KCNG2: variants seen among roughly 807,000 people sequenced by gnomAD.
The protein encoded by KCNG2 is voltage-gated potassium channel regulatory subunit KCNG2.
In KCNG2, 7 loss-of-function variants were observed where a neutral mutation model predicts 12.3. The ratio of observed to expected loss-of-function variants is 0.57; its 90% CI spans 0.32 to 1.07. The LOEUF is 1.07. KCNG2 is among the 50% of genes least tolerant of loss of function. The pLI, the probability that KCNG2 is intolerant of heterozygous loss-of-function variation, is 0.04. For missense variants in KCNG2, 703 were observed against 726.0 expected, an observed-to-expected ratio of 0.97 and a Z score of 0.36; for synonymous variants, 414 against 351.4, an observed-to-expected ratio of 1.18 and a Z score of -1.99.
At chr18:79,873,069 C>T (rs1979914044) in intron 3 of KCNG2, among the ~76,000 whole-genome samples, 1 of 152,142 alleles carries the variant, frequency 6.6e-6, no homozygotes, top group African/African-American at 2.4e-5. Context: ...GGTAGCTCTG[C>T]CGGTTGGGCC....
intron 3 of KCNG2, among the ~76,000 whole-genome samples, chr18:79,881,653 C>T (rs1040108599): frequency 3.9e-5 from 6 of 152,220 alleles, no homozygotes; most frequent in Admixed American, 1.3e-4. Context: ...GCTGAAGACT[C>T]GGTGTGACTA....
chr18:79,848,895 G>T (rs532235350), intron 1 of KCNG2, among the ~76,000 whole-genome samples: 2 of 152,296 alleles, frequency 1.3e-5, no homozygotes, highest in African/African-American at 2.4e-5. Context: ...GCCTCGGTCC[G>T]CATGGGGCCC....
At chr18:79,844,502 C>G (rs1212125809) in intron 1 of KCNG2, among the ~76,000 whole-genome samples, 4 of 152,148 alleles carry the variant, frequency 2.6e-5, no homozygotes, top group African/African-American at 9.7e-5. Flanking sequence ...GCTAATAATA[C>G]TATAGTGCAT....
chr18:79,836,320 C>T (rs1345610637), intron 1 of KCNG2, among the ~76,000 whole-genome samples: 1 of 152,138 alleles, frequency 6.6e-6, no homozygotes, highest in Non-Finnish European at 1.5e-5. Context: ...TCTAAGAGGA[C>T]ATAGCAATTC....
At chr18:79,823,665 T>G (rs1771981515) in intron 1 of KCNG2, among the ~76,000 whole-genome samples, 1 of 152,226 alleles carries the variant, frequency 6.6e-6, no homozygotes, top group Non-Finnish European at 1.5e-5. Context: ...CACCCCCTGA[T>G]GTTTAAGAGT....
chr18:79,862,109 C>A (rs1236952057), intron 2 of KCNG2, among the ~76,000 whole-genome samples: 3 of 152,172 alleles, frequency 2.0e-5, no homozygotes, highest in African/African-American at 7.2e-5. Context: ...AGTCCAATAT[C>A]TGTGTTTCTT....
chr18:79,847,893 CAATTT>C (rs1272082275), intron 1 of KCNG2, among the ~76,000 whole-genome samples: 1 of 152,238 alleles, frequency 6.6e-6, no homozygotes, highest in African/African-American at 2.4e-5. Flanking sequence ...AGTTAAGCCA[CAATTT>C]AATTTAAACT....
chr18:79,896,695 C>T lies in KCNG2; in HGVS notation c.625-2345C>T, dbSNP rs190504618. The stretch of plus-strand genomic sequence containing the variant: ...TTTACTAACACTTTTTGTGTCGATC[C>T]AGATTATCATCTGGGTTCACTTGCT... On this transcript the variant is annotated intron_variant, in intron 3 of 3. Coordinates refer to ENST00000316249, the MANE Select transcript of KCNG2 (RefSeq NM_012283.2). Among the ~76,000 whole-genome samples, 3 of 152,302 alleles carry T rather than the reference C, an allele frequency of 2.0e-5. No individual in the cohort carries two copies. In the East Asian group the frequency reaches 5.8e-4, roughly 29 times the overall value.
chr18:79,876,449 C>G (rs1050614242), intron 3 of KCNG2, among the ~76,000 whole-genome samples: 1 of 152,230 alleles, frequency 6.6e-6, no homozygotes, highest in Non-Finnish European at 1.5e-5. Flanking sequence ...GCTGCAGTTC[C>G]CGGGAAACAG....
rs112889962 is a variant in KCNG2 at position 79,845,913 on chromosome 18, C to T, written c.-114-10466C>T. Among the ~76,000 whole-genome samples the T allele has an allele frequency of 1.1e-3, 168 of 146,598 alleles. 2 individuals are homozygous for T. The Middle Eastern group carries it at 0.019, about 17-fold the overall frequency. Reference sequence around the variant, plus strand: ...CATCCTGGCTAATACAGTGAAACCCCGTCTCTACTAAAAAATACAAAGAAA... The same window carrying T: ...CATCCTGGCTAATACAGTGAAACCCTGTCTCTACTAAAAAATACAAAGAAA... On this transcript the variant is annotated intron_variant, in intron 1 of 3. Transcript: ENST00000316249.
At chr18:79,873,393 C>T (rs1322483638) in intron 3 of KCNG2, among the ~76,000 whole-genome samples, 2 of 149,290 alleles carry the variant, frequency 1.3e-5, no homozygotes, top group Non-Finnish European at 3.0e-5. Flanking sequence ...ACTCCCCGTG[C>T]TGGCCCACGG....
chr18:79,863,313 T>G (rs1184123435), intron 2 of KCNG2, among the ~76,000 whole-genome samples: 3 of 152,208 alleles, frequency 2.0e-5, no homozygotes, highest in African/African-American at 7.2e-5. Flanking sequence ...ATCTGGCTCT[T>G]TGGAGTTTGC....
chr18:79,815,983 G>A (rs932487801), intron 1 of KCNG2: 6 of 152,252 alleles, frequency 3.9e-5, no homozygotes, highest in African/African-American at 1.4e-4. Flanking sequence ...TATGGTGGCT[G>A]TTTCTGGTGG....
intron 3 of KCNG2, among the ~76,000 whole-genome samples, chr18:79,878,328 G>A (rs1267935375): frequency 4.1e-5 from 5 of 121,174 alleles, no homozygotes; most frequent in Admixed American, 3.8e-4. Context: ...TGCGGAGGGC[G>A]CCTGATGCCC....
chr18:79,866,766 TGA>T (rs1332614167), intron 3 of KCNG2, among the ~76,000 whole-genome samples: 3,013 of 23,596 alleles, frequency 0.13, 71 homozygotes, highest in Non-Finnish European at 0.29. Context: ...GTCTGTGTTC[TGA>T]GAGGTCTGTA....
chr18:79,806,342 T>C (rs2087449765), intron 1 of KCNG2, among the ~76,000 whole-genome samples: 1 of 152,114 alleles, frequency 6.6e-6, no homozygotes, highest in Non-Finnish European at 1.5e-5. Flanking sequence ...CCCCTGAGCA[T>C]TCATGGTCTC....
At chr18:79,892,518 C>T (rs997290223) in intron 3 of KCNG2, among the ~76,000 whole-genome samples, 10 of 152,134 alleles carry the variant, frequency 6.6e-5, no homozygotes, top group African/African-American at 2.4e-4. Flanking sequence ...ACTCCATTCA[C>T]ATCTAATGGT....
chr18:79,827,924 TTTC>T (rs1285950766), intron 1 of KCNG2, among the ~76,000 whole-genome samples: 2 of 126,164 alleles, frequency 1.6e-5, no homozygotes, highest in African/African-American at 2.8e-5. Flanking sequence ...TCTTTCTTTC[TTTC>T]TTTTTTTTTT....
chr18:79,897,372 T>C (rs977908514), intron 3 of KCNG2, among the ~76,000 whole-genome samples: 1 of 152,244 alleles, frequency 6.6e-6, no homozygotes, highest in African/African-American at 2.4e-5. Context: ...ATTTTTAAAT[T>C]ATTTTATTTC....
Sources: allele counts gnomAD v4.1 joint callset (sites outside exome capture counted in the v4.1 genomes callset), GRCh38; gene constraint gnomAD v4.1.1; transcripts MANE v1.5; gene names NCBI Gene and HGNC (gene_info 2026-07-23, HGNC 2026-07-21).